Variants in SLC30A7 observed in about 807,000 individuals in gnomAD.
SLC30A7 encodes the protein zinc transporter 7.
Under a neutral mutation model 46.0 loss-of-function variants are expected in SLC30A7, and 35 were observed. The observed-to-expected ratio is 0.76, with a 90% CI of 0.58 to 1.01. SLC30A7 has a LOEUF of 1.01. Ranked by LOEUF, SLC30A7 falls within the 50% of genes least tolerant of loss-of-function variation. The pLI is 0.00. For missense variants in SLC30A7, 464 were observed against 451.1 expected, an observed-to-expected ratio of 1.03 and a Z score of -0.26; for synonymous variants, 147 against 157.8, an observed-to-expected ratio of 0.93 and a Z score of 0.51.
intron 9 of SLC30A7, among the ~76,000 whole-genome samples, chr1:100,964,455 GGTGA>G (rs1385339102): frequency 6.7e-6 from 1 of 149,530 alleles, no homozygotes. Context: ...TAAACTACAG[GGTGA>G]GTATCGTCTT....
chr1:100,914,281 A>G (rs1460608576), intron 6 of SLC30A7, among the ~76,000 whole-genome samples: 1 of 152,190 alleles, frequency 6.6e-6, no homozygotes, highest in Non-Finnish European at 1.5e-5. Flanking sequence ...TGTGCTAGCA[A>G]ATACTAGGTC....
intron 8 of SLC30A7, among the ~76,000 whole-genome samples, chr1:100,960,837 T>C (rs1008182016): frequency 2.0e-5 from 3 of 151,972 alleles, no homozygotes. Context: ...TGATTCAATA[T>C]ATCAGAAGTG....
intron 8 of SLC30A7, among the ~76,000 whole-genome samples, chr1:100,948,768 T>C (rs1464209968): frequency 6.6e-6 from 1 of 152,210 alleles, no homozygotes; most frequent in African/African-American, 2.4e-5. Flanking sequence ...ACTTGTCTTC[T>C]TGCTTTATTT....
chr1:100,925,017 T>C (rs1045738087), intron 8 of SLC30A7, among the ~76,000 whole-genome samples: 4 of 152,268 alleles, frequency 2.6e-5, no homozygotes, highest in Admixed American at 2.6e-4. Flanking sequence ...ATTAGACGGC[T>C]CAAATGCCAA....
chr1:100,921,731 T>C lies in SLC30A7; in HGVS notation c.732T>C (p.Asp244=). ...GTGTATTTTTACATATCCTAGCAGA[T>C]ACACTTGGAAGTATTGGTGTAATTG... ...LQGVFLHILA[D]TLGSIGVIAS... The change falls in exon 8 of 11, where the codon GAT becomes GAC. Residue 244 remains aspartate (D), a synonymous_variant. Transcript: ENST00000357650. 1.2e-6 allele frequency: 2 copies of C among 1,612,390 alleles called. No homozygotes were observed. The highest frequency in any genetic ancestry group is 8.5e-7 in the Non-Finnish European group (1 of 1,178,870).
At chr1:100,915,611 C>CT (rs1380409582) in intron 6 of SLC30A7, among the ~76,000 whole-genome samples, 1 of 151,970 alleles carries the variant, frequency 6.6e-6, no homozygotes, top group African/African-American at 2.4e-5. Context: ...AGAAGGATTT[C>CT]TTTCTTTCTT....
rs1283479645 is a variant in SLC30A7 at position 100,911,166 on chromosome 1, A to G, written c.384+16A>G. 7 of 1,506,582 alleles carry G rather than the reference A, an allele frequency of 4.6e-6. No homozygotes were observed. Among genetic ancestry groups the G allele is most frequent in the African/African-American group, 1.4e-5 (1 of 72,224 alleles). The allele number at this position is 1,506,582 out of a possible 1,614,324, so 93.3% of individuals were successfully genotyped here. On this transcript the variant is annotated intron_variant, in intron 4 of 10. Coordinates refer to ENST00000357650, the MANE Select transcript of SLC30A7 (RefSeq NM_133496.5). ...AGGAGTTGAGGTATAGTAGATAATT[A>G]TTAAAGTCAGTAAATTACATTTCTG...
Position 100,979,295 on chromosome 1 carries a change from A to T in SLC30A7, c.*4438A>T, listed in dbSNP as rs1656760155. 1 of 151,964 alleles carries T rather than the reference A, an allele frequency of 6.6e-6. No homozygotes were observed. Among genetic ancestry groups the T allele is most frequent in the Non-Finnish European group, 1.5e-5 (1 of 67,950 alleles). The allele number at this position is 151,964 out of a possible 1,614,324, so 9.4% of individuals were successfully genotyped here. A position where few individuals can be genotyped will look rare whatever the true frequency, so the allele number is the denominator to read the frequency against. ...AATTCATAAGAACTTTGGTAAAAAA[A>T]AAAATAAAAGGAAATTATATGTTTT... On this transcript the variant is annotated 3_prime_UTR_variant, in exon 11 of 11. Transcript: ENST00000357650.
chr1:100,961,241 A>G (rs996112608), intron 8 of SLC30A7, among the ~76,000 whole-genome samples: 1 of 151,902 alleles, frequency 6.6e-6, no homozygotes, highest in Non-Finnish European at 1.5e-5. Context: ...GATTACAGGC[A>G]TGAGCCACCG....
Position 100,906,847 on chromosome 1 carries a change from T to G in SLC30A7, c.183-5T>G, listed in dbSNP as rs756664350. 3 of 1,603,486 alleles carry G rather than the reference T, an allele frequency of 1.9e-6. No individual in the cohort carries two copies. The highest frequency in any genetic ancestry group is 1.7e-6 in the Non-Finnish European group (2 of 1,170,880). On this transcript the variant is annotated splice_region_variant and splice_polypyrimidine_tract_variant and intron_variant, in intron 2 of 10. Transcript: ENST00000357650. ...TAATTTGTCAATGTGTTTGTTCTTT[T>G]CCAGCTTAGGCTTGATTTCCGACTC... is the stretch of plus-strand genomic sequence containing the variant.
intron 6 of SLC30A7, 118 bp downstream of exon 6, chr1:100,913,924 A>ACCATTTAGACTGAT: frequency 1.4e-6 from 2 of 1,392,210 alleles, no homozygotes; most frequent in Non-Finnish European, 1.9e-6. Flanking sequence ...TTTCTAATGA[A>ACCATTTAGACTGAT]TCAGTCTAAA....
intron 8 of SLC30A7, among the ~76,000 whole-genome samples, chr1:100,931,960 A>T (rs539818392): frequency 3.3e-5 from 5 of 152,264 alleles, no homozygotes; most frequent in African/African-American, 1.2e-4. Flanking sequence ...TAACCCTACC[A>T]TTTTTGTTGT....
chr1:100,899,431 A>T (rs1341573676), intron 2 of SLC30A7, among the ~76,000 whole-genome samples: 2 of 152,190 alleles, frequency 1.3e-5, no homozygotes, highest in Non-Finnish European at 2.9e-5. Context: ...TCCTTCTAGT[A>T]TTTTATTTTT....
chr1:100,921,218 A>G (rs1453280228), intron 7 of SLC30A7, among the ~76,000 whole-genome samples: 2 of 152,142 alleles, frequency 1.3e-5, no homozygotes, highest in Non-Finnish European at 2.9e-5. Context: ...AATAAGTGTA[A>G]CAGGATAAGT....
chr1:100,960,877 G>A lies in SLC30A7; in HGVS notation c.843-951G>A, dbSNP rs371656596. Among the ~76,000 whole-genome samples the A allele has an allele frequency of 1.5e-4, 23 of 150,990 alleles. No homozygotes were observed. The South Asian group carries it at 4.6e-3, about 30-fold the overall frequency. On this transcript the variant is annotated intron_variant, in intron 8 of 10. Coordinates refer to ENST00000357650, the MANE Select transcript of SLC30A7 (RefSeq NM_133496.5). ...CAAAATAAAACTCTAAGGTGAATTG[G>A]ATATGTGCTAGATTAGAAAGGCATT... is the stretch of plus-strand genomic sequence containing the variant.
At chr1:100,972,659 T>G (rs1656224772) in intron 10 of SLC30A7, 2 of 152,176 alleles carry the variant, frequency 1.3e-5, no homozygotes, top group Admixed American at 1.3e-4. Context: ...TTGAACAATA[T>G]TTGTTTCCTC....
Position 100,966,237 on chromosome 1 carries a change from T to A in SLC30A7, c.1083+319T>A, listed in dbSNP as rs572071321. ...AAGACCCTGTCTCAAAAAAAAAAAA[T>A]TGCCATTTAACATAATAAATATATA... On this transcript the variant is annotated intron_variant, in intron 10 of 10. Transcript: ENST00000357650. Among the ~76,000 whole-genome samples the A allele has an allele frequency of 3.5e-4, 48 of 138,394 alleles. 1 individual carries two copies. In the South Asian group the frequency reaches 0.01, roughly 29 times the overall value. 90.8% of individuals were successfully genotyped at this position (138,394 alleles called of 152,430 possible).
chr1:100,928,133 G>T (rs1653427289), intron 8 of SLC30A7, among the ~76,000 whole-genome samples: 1 of 152,172 alleles, frequency 6.6e-6, no homozygotes, highest in Non-Finnish European at 1.5e-5. Context: ...AGTGACTGAA[G>T]GGGGGCAATC....
At position 100,919,372 on chromosome 1, in the gene SLC30A7, G is replaced by A. The variant is rs1652806048; in HGVS notation, c.706+1245G>A. ...TTGACTTCAGTCTGACTTTCTGAAT[G>A]GCTTCTGATCCAATCTCAACTGCAC... On this transcript the variant is annotated intron_variant, in intron 7 of 10. Coordinates refer to ENST00000357650, the MANE Select transcript of SLC30A7 (RefSeq NM_133496.5). Among the ~76,000 whole-genome samples the A allele has an allele frequency of 2.0e-5, 3 of 152,078 alleles. No individual in the cohort carries two copies. The South Asian group carries it at 6.2e-4, about 32-fold the overall frequency.
Sources: gnomAD v4.1 joint callset for allele counts (sites outside exome capture counted in the v4.1 genomes callset) on GRCh38, gnomAD v4.1.1 for gene constraint, MANE v1.5 for transcripts, NCBI Gene and HGNC (gene_info 2026-07-23, HGNC 2026-07-21) for gene names.